Variants in FAM193A observed in about 807,000 individuals in gnomAD.
FAM193A encodes family with sequence similarity 193 member A.
In FAM193A, 22 loss-of-function variants were observed where a neutral mutation model predicts 126.5. The ratio of observed to expected loss-of-function variants is 0.17; its 90% CI spans 0.12 to 0.25. FAM193A has a LOEUF of 0.25. Ranked by LOEUF, FAM193A falls within the 10% of genes least tolerant of loss-of-function variation. FAM193A has a pLI of 1.00. For missense variants in FAM193A, 1,675 were observed against 1,672.8 expected, an observed-to-expected ratio of 1.00 and a Z score of -0.02; for synonymous variants, 761 against 646.8, an observed-to-expected ratio of 1.18 and a Z score of -2.68.
At chr4:2,667,585 TC>T in intron 12 of FAM193A, among the ~76,000 whole-genome samples, 1 of 152,344 alleles carries the variant, frequency 6.6e-6, no homozygotes, top group South Asian at 2.1e-4. Flanking sequence ...TTTCTTAACG[TC>T]CGTTTTATTT....
chr4:2,664,368 A>G (rs1712842999), intron 12 of FAM193A, among the ~76,000 whole-genome samples: 1 of 152,098 alleles, frequency 6.6e-6, no homozygotes, highest in African/African-American at 2.4e-5. Context: ...CCATTTATTG[A>G]AAATTTATTG....
intron 7 of FAM193A, among the ~76,000 whole-genome samples, chr4:2,652,614 A>G: frequency 6.6e-6 from 1 of 151,952 alleles, no homozygotes; most frequent in East Asian, 1.9e-4. Context: ...TCTTCTGAGC[A>G]CTCGCTATCA....
At chr4:2,703,697 C>G (rs1192383135) in intron 19 of FAM193A, among the ~76,000 whole-genome samples, 1 of 151,760 alleles carries the variant, frequency 6.6e-6, no homozygotes, top group Non-Finnish European at 1.5e-5. Flanking sequence ...GGTGTGGTGG[C>G]TCACGCCTGT....
At chr4:2,654,973 T>A in intron 7 of FAM193A, 1 of 538,480 alleles carries the variant, frequency 1.9e-6, no homozygotes, top group Admixed American at 2.9e-5. Context: ...TCTGGGAGTC[T>A]AGGAAATCAC....
At chr4:2,544,879 A>T (rs923805209) in intron 1 of FAM193A, among the ~76,000 whole-genome samples, 4 of 152,124 alleles carry the variant, frequency 2.6e-5, no homozygotes, top group African/African-American at 9.7e-5. Context: ...TTAAAAAAAA[A>T]CAAAAAAGAC....
chr4:2,705,351 GCTT>G (rs1388200339), intron 19 of FAM193A, among the ~76,000 whole-genome samples: 1 of 152,158 alleles, frequency 6.6e-6, no homozygotes, highest in Non-Finnish European at 1.5e-5. Context: ...TATGCGGTCA[GCTT>G]CTTGATTTTT....
intron 2 of FAM193A, among the ~76,000 whole-genome samples, chr4:2,605,480 T>C (rs547633671): frequency 6.6e-6 from 1 of 152,364 alleles, no homozygotes; most frequent in East Asian, 1.9e-4. Context: ...TTTTCATTGC[T>C]AGATGCCATC....
chr4:2,641,691 C>A (rs1312752335), intron 6 of FAM193A, among the ~76,000 whole-genome samples: 1 of 152,080 alleles, frequency 6.6e-6, no homozygotes, highest in African/African-American at 2.4e-5. Context: ...AAAAAGAATA[C>A]GTGTATTGAC....
chr4:2,715,964 G>A (rs375992146), intron 19 of FAM193A, 59 bp from the exon 20 acceptor site: 34 of 952,702 alleles, frequency 3.6e-5, no homozygotes, highest in Middle Eastern at 4.1e-4. Flanking sequence ...GATTTCTTCC[G>A]TTCTGATAAG....
chr4:2,710,557 A>G (rs1349835200), intron 19 of FAM193A, among the ~76,000 whole-genome samples: 1 of 151,868 alleles, frequency 6.6e-6, no homozygotes, highest in Admixed American at 6.6e-5. Flanking sequence ...GCTGGAGTGC[A>G]GTGGCACACT....
chr4:2,589,083 C>T (rs1401510097), intron 1 of FAM193A, among the ~76,000 whole-genome samples: 1 of 152,182 alleles, frequency 6.6e-6, no homozygotes, highest in Non-Finnish European at 1.5e-5. Context: ...TGTTCTGAGG[C>T]TGGCTCAGAT....
intron 1 of FAM193A, among the ~76,000 whole-genome samples, chr4:2,590,148 AAG>A (rs914168500): frequency 3.4e-5 from 5 of 146,886 alleles, no homozygotes; most frequent in South Asian, 2.1e-4. Flanking sequence ...AAAAAAAAAA[AAG>A]AAAGAAAGAA....
chr4:2,682,958 A>G (rs886711981), intron 13 of FAM193A, among the ~76,000 whole-genome samples: 1 of 152,228 alleles, frequency 6.6e-6, no homozygotes. Flanking sequence ...TTCTTTATGT[A>G]GATCCACGTT....
chr4:2,599,862 A>C (rs1741093567), intron 2 of FAM193A, among the ~76,000 whole-genome samples: 1 of 150,520 alleles, frequency 6.6e-6, no homozygotes, highest in Admixed American at 6.6e-5. Flanking sequence ...CAGCCTCCCG[A>C]GTAGCTGGGA....
intron 20 of FAM193A, among the ~76,000 whole-genome samples, chr4:2,717,094 C>G (rs1397987823): frequency 1.3e-5 from 2 of 152,158 alleles, no homozygotes; most frequent in Non-Finnish European, 2.9e-5. Flanking sequence ...ATTCTCCTGC[C>G]TCAGCCTCCT....
At chr4:2,713,434 A>G (rs1338358277) in intron 19 of FAM193A, among the ~76,000 whole-genome samples, 1 of 152,118 alleles carries the variant, frequency 6.6e-6, no homozygotes, top group Admixed American at 6.6e-5. Context: ...GGGTATTAGG[A>G]AAATGGGTGC....
intron 2 of FAM193A, among the ~76,000 whole-genome samples, chr4:2,602,470 T>G (rs550684743): frequency 6.6e-6 from 1 of 151,542 alleles, no homozygotes; most frequent in South Asian, 2.1e-4. Flanking sequence ...TAATCCTGCC[T>G]TAGCCTCTGA....
intron 1 of FAM193A, among the ~76,000 whole-genome samples, chr4:2,558,770 G>T (rs1738425717): frequency 6.6e-6 from 1 of 152,324 alleles, no homozygotes. Flanking sequence ...TGAGGCCGAG[G>T]TGGACAGATC....
intron 20 of FAM193A, among the ~76,000 whole-genome samples, chr4:2,725,285 A>G (rs1165130883): frequency 6.6e-6 from 1 of 151,902 alleles, no homozygotes; most frequent in Admixed American, 6.6e-5. Flanking sequence ...TCATCTCTAC[A>G]AAAAGTAAAA....
Sources: gnomAD v4.1 joint callset for allele counts (sites outside exome capture counted in the v4.1 genomes callset) on GRCh38, gnomAD v4.1.1 for gene constraint, MANE v1.5 for transcripts, NCBI Gene and HGNC (gene_info 2026-07-23, HGNC 2026-07-21) for gene names.